The following TRMT6 variants were observed in gnomAD, a reference collection of about 807,000 sequenced individuals.
TRMT6 encodes the protein tRNA (adenine(58)-N(1))-methyltransferase non-catalytic subunit TRM6.
Under a neutral mutation model 59.0 loss-of-function variants are expected in TRMT6, and 34 were observed. That is an observed-to-expected ratio of 0.58 (90% CI 0.44 to 0.77). The LOEUF (loss-of-function observed/expected upper bound fraction) is 0.77. TRMT6 is among the 30% of genes least tolerant of loss of function. The pLI, the probability that TRMT6 is intolerant of heterozygous loss-of-function variation, is 0.00. For missense variants in TRMT6, 575 were observed against 604.5 expected (o/e 0.95, Z 0.51); for synonymous variants, 217 against 210.5 (o/e 1.03, Z -0.27).
chr20:5,943,578 T>C lies in TRMT6; in HGVS notation c.648A>G (p.Ala216=). Residue 216 remains alanine, a synonymous_variant, in exon 6 of 11, where the codon GCA becomes GCG. Transcript: ENST00000203001. Reference sequence around the variant, plus strand: ...TCTTACCTCCCATTCGTTCCATCATTGCACCCAGCACCAAGCCTGCACACG... The same window carrying C: ...TCTTACCTCCCATTCGTTCCATCATCGCACCCAGCACCAAGCCTGCACACG... ...METCAGLVLG[A]MMERMGGFGS... 6.2e-7 allele frequency: 1 copy of C among 1,614,202 alleles called. No homozygotes were observed.
intron 7 of TRMT6, 168 bp downstream of exon 7, chr20:5,942,260 C>T (rs144584358): frequency 4.6e-5 from 35 of 764,274 alleles, no homozygotes; most frequent in Non-Finnish European, 6.1e-5. Context: ...AGCTCCATCC[C>T]GAAGACCGAA....
rs138159047 is a variant in TRMT6, at chr20:5,943,647, C to G, written c.579G>C (p.Thr193=). The G allele has an allele frequency of 1.3e-4, 217 of 1,614,066 alleles. 1 individual carries two copies. Among genetic ancestry groups the G allele is most frequent in the South Asian group, 1.5e-4 (14 of 91,088 alleles). Reference sequence around the variant, plus strand: ...TGTTGCCAGCACGGATATTTCCCAACGTCAACATCTGGGCTAGTGTATCGT... The same window carrying G: ...TGTTGCCAGCACGGATATTTCCCAAGGTCAACATCTGGGCTAGTGTATCGT... ...MRYDTLAQML[T]LGNIRAGNKM... The change falls in exon 6 of 11, where the codon ACG becomes ACC. Residue 193 remains threonine (T), a synonymous_variant. Coordinates refer to ENST00000203001, the MANE Select transcript of TRMT6 (RefSeq NM_015939.5).
At chr20:5,942,381 T>C (rs910402577) in intron 7 of TRMT6, 47 bp downstream of exon 7, 9 of 1,526,884 alleles carry the variant, frequency 5.9e-6, no homozygotes, top group South Asian at 1.1e-5. Context: ...TGAAGTTAAC[T>C]GAGGGACTGA....
At chr20:5,947,270 C>T (rs778170606) in intron 1 of TRMT6, among the ~76,000 whole-genome samples, 2 of 152,206 alleles carry the variant, frequency 1.3e-5, no homozygotes, top group Non-Finnish European at 2.9e-5. Context: ...CCAGCAAAGA[C>T]CTAAGGACGG....
At chr20:5,939,334 A>G (rs2088635991) in intron 10 of TRMT6, among the ~76,000 whole-genome samples, 1 of 152,002 alleles carries the variant, frequency 6.6e-6, no homozygotes, top group South Asian at 2.1e-4. Flanking sequence ...TACAAAAATT[A>G]GCCAGGCGTG....
chr20:5,942,184 C>T (rs6117011), intron 7 of TRMT6, 148 bp from the exon 8 acceptor site: 37,340 of 772,334 alleles, frequency 0.048, 2,292 homozygotes, highest in East Asian at 0.24. Context: ...GTTGCAAATA[C>T]ACAAGAAAGC....
intron 8 of TRMT6, 105 bp downstream of exon 8, chr20:5,941,846 G>C: frequency 1.0e-6 from 1 of 964,920 alleles, no homozygotes; most frequent in Non-Finnish European, 1.6e-6. Context: ...TCCTCATCTC[G>C]GGTCCCACTA....
intron 7 of TRMT6, 126 bp from the exon 8 acceptor site, chr20:5,942,162 G>T: frequency 1.1e-6 from 1 of 903,692 alleles, no homozygotes; most frequent in Non-Finnish European, 1.7e-6. Context: ...GAAGCAGGTT[G>T]TTTATAAGGA....
chr20:5,943,812 A>G (rs956635800), intron 5 of TRMT6, 129 bp from the exon 6 acceptor site: 5 of 1,521,080 alleles, frequency 3.3e-6, no homozygotes, highest in Admixed American at 4.5e-5. Context: ...TGGAGGTGAC[A>G]GTAAAAGGAC....
Position 5,943,598 on chromosome 20 carries a change from C to T in TRMT6, c.628G>A (p.Ala210Thr), listed in dbSNP as rs1016859476. Residue 210 changes from alanine to threonine, a missense_variant, in exon 6 of 11, where the codon GCA becomes ACA. Coordinates refer to ENST00000203001, the MANE Select transcript of TRMT6 (RefSeq NM_015939.5). ...ATCATTGCACCCAGCACCAAGCCTG[C>T]ACACGTTTCCATCACAATCATTTTG... ...GNKMIVMETC[A>T]GLVLGAMMER... 4 of 1,614,240 alleles carry T rather than the reference C, an allele frequency of 2.5e-6. No individual in the cohort carries two copies. In the Admixed American group the frequency reaches 6.7e-5, roughly 27 times the overall value.
At chr20:5,948,640 A>C (rs959905338) in intron 1 of TRMT6, among the ~76,000 whole-genome samples, 5 of 152,192 alleles carry the variant, frequency 3.3e-5, no homozygotes, top group Admixed American at 2.0e-4. Flanking sequence ...CAGGAATTGG[A>C]GACTAGCCTA....
At position 5,942,357 on chromosome 20, in the gene TRMT6, T is replaced by C. The variant is rs773511226; in HGVS notation, c.1026+71A>G. The stretch of plus-strand genomic sequence containing the variant: ...GCTAATACACCAAAGCCAAACTAAA[T>C]CTCATGACTTAACTGAAGTTAACTG... On this transcript the variant is annotated intron_variant, in intron 7 of 10. Coordinates refer to ENST00000203001, the MANE Select transcript of TRMT6 (RefSeq NM_015939.5). 40 of 1,372,316 alleles carry C rather than the reference T, an allele frequency of 2.9e-5. 1 individual carries two copies. In the East Asian group the frequency reaches 8.9e-4, roughly 31 times the overall value. 85.0% of individuals were successfully genotyped at this position (1,372,316 alleles called of 1,614,324 possible).
intron 5 of TRMT6, 101 bp from the exon 6 acceptor site, chr20:5,943,784 T>A: frequency 6.5e-7 from 1 of 1,544,908 alleles, no homozygotes; most frequent in East Asian, 2.3e-5. Context: ...ATTGTGTTGA[T>A]AAGATTATTG....
In TRMT6 at chr20:5,937,263, G is replaced by C. The variant is rs1043827665; in HGVS notation, c.*1272C>G. On this transcript the variant is annotated 3_prime_UTR_variant, in exon 11 of 11. Coordinates refer to ENST00000203001, the MANE Select transcript of TRMT6 (RefSeq NM_015939.5). Reference sequence around the variant, plus strand: ...ATTTTTATTCTTTAATAGCAATTAGGATAAAGGACTCAAAATTGTACTTAG... The same window carrying C: ...ATTTTTATTCTTTAATAGCAATTAGCATAAAGGACTCAAAATTGTACTTAG... 1 of 152,206 alleles carries C rather than the reference G, an allele frequency of 6.6e-6. No homozygotes were observed. 9.4% of individuals were successfully genotyped at this position (152,206 alleles called of 1,614,324 possible). A position where few individuals can be genotyped will look rare whatever the true frequency, so the allele number is the denominator to read the frequency against.
intron 10 of TRMT6, among the ~76,000 whole-genome samples, chr20:5,940,194 A>C (rs934830567): frequency 6.6e-6 from 1 of 152,148 alleles, no homozygotes; most frequent in Non-Finnish European, 1.5e-5. Flanking sequence ...CCAGGCATCA[A>C]CCTGCACCAC....
Position 5,941,046 on chromosome 20 carries a change from CACG to C in TRMT6, c.1302+4_1302+6del. The stretch of plus-strand genomic sequence containing the variant: ...CAGCTCTTGGGACTGGCTGTAAGAA[CACG>C]TACCTGATAATTTCTGAGCCAGGTT... On this transcript the variant is annotated splice_donor_5th_base_variant and intron_variant, in intron 10 of 10. Transcript: ENST00000203001. The C allele has an allele frequency of 6.2e-7, 1 of 1,612,040 alleles. No individual in the cohort carries two copies. The highest frequency in any genetic ancestry group is 8.5e-7 in the Non-Finnish European group (1 of 1,178,110).
intron 1 of TRMT6, among the ~76,000 whole-genome samples, chr20:5,948,163 G>A (rs2088724137): frequency 1.3e-5 from 2 of 152,118 alleles, no homozygotes; most frequent in African/African-American, 4.8e-5. Context: ...CACTGGATCT[G>A]AGATGGGTGG....
Position 5,950,348 on chromosome 20 carries a change from T to C in TRMT6, c.58A>G (p.Ile20Val). ...AGCACCACGAAGTCGCCGTCGCGGA[T>C]GCGGTGGTCTCCGGGATGCTGTGGT... Reference protein sequence around the residue: ...PQPQHPGDHRIRDGDFVVLKR... With the variant: ...PQPQHPGDHRVRDGDFVVLKR... Residue 20 changes from isoleucine to valine, a missense_variant, in exon 1 of 11, where the codon ATC (isoleucine) becomes GTC (valine). Transcript: ENST00000203001. 2 of 1,612,618 alleles carry C rather than the reference T, an allele frequency of 1.2e-6. No individual in the cohort carries two copies. The highest frequency in any genetic ancestry group is 1.3e-5 in the African/African-American group (1 of 75,070).
intron 10 of TRMT6, among the ~76,000 whole-genome samples, chr20:5,938,950 CTTTT>C (rs1264366966): frequency 1.6e-5 from 2 of 123,484 alleles, no homozygotes; most frequent in Non-Finnish European, 3.2e-5. Flanking sequence ...CTCTCTCTTT[CTTTT>C]TAAGAGGCAG....
Sources: gnomAD v4.1 joint callset for allele counts (sites outside exome capture counted in the v4.1 genomes callset) on GRCh38, gnomAD v4.1.1 for gene constraint, MANE v1.5 for transcripts, NCBI Gene and HGNC (gene_info 2026-07-23, HGNC 2026-07-21) for gene names.